Variants in ZMYND8 observed in about 807,000 individuals in gnomAD.
The protein encoded by ZMYND8 is MYND-type zinc finger-containing chromatin reader ZMYND8.
A neutral mutation model predicts 140.8 loss-of-function variants in ZMYND8; 37 were observed. That is an observed-to-expected ratio of 0.26 (90% CI 0.20 to 0.35). ZMYND8 has a LOEUF of 0.35. ZMYND8 is among the 10% of genes least tolerant of loss of function. ZMYND8 has a pLI of 1.00. For synonymous variants in ZMYND8, 592 were observed against 597.1 expected (o/e 0.99, Z 0.12); for missense variants, 1,068 against 1,570.0 (o/e 0.68, Z 5.40).
intron 16 of ZMYND8, among the ~76,000 whole-genome samples, chr20:47,235,610 G>A (rs1329431715): frequency 2.6e-5 from 4 of 152,054 alleles, no homozygotes; most frequent in Non-Finnish European, 5.9e-5. Context: ...GGGAGGCTGA[G>A]GCAGGAGAAT....
intron 2 of ZMYND8, among the ~76,000 whole-genome samples, chr20:47,326,685 T>A (rs1043427722): frequency 1.3e-5 from 2 of 152,172 alleles, no homozygotes; most frequent in African/African-American, 4.8e-5. Context: ...ATACAGGTAC[T>A]GATCTATGTG....
At chr20:47,251,166 T>G (rs1337847648) in intron 12 of ZMYND8, among the ~76,000 whole-genome samples, 1 of 151,674 alleles carries the variant, frequency 6.6e-6, no homozygotes, top group African/African-American at 2.4e-5. Flanking sequence ...TCAAGAAAAA[T>G]AGCAAAAACA....
intron 8 of ZMYND8, 111 bp from the exon 9 acceptor site, chr20:47,283,759 G>A (rs781635680): frequency 5.8e-6 from 6 of 1,033,602 alleles, no homozygotes; most frequent in Non-Finnish European, 8.6e-6. Context: ...TCCCATAGAG[G>A]GAACACCTTG....
chr20:47,305,425 G>C (rs1202043728), intron 3 of ZMYND8, among the ~76,000 whole-genome samples: 2 of 151,948 alleles, frequency 1.3e-5, no homozygotes, highest in Non-Finnish European at 2.9e-5. Flanking sequence ...ATTTTTAGTA[G>C]AGATGAGGTT....
At chr20:47,294,877 G>A (rs2077542028) in intron 4 of ZMYND8, 98 bp from the exon 5 acceptor site, 7 of 1,122,442 alleles carry the variant, frequency 6.2e-6, no homozygotes, top group African/African-American at 1.5e-5. Context: ...CAGACAAAAA[G>A]CAATTCTCAT....
rs1218993226 is a variant in ZMYND8 at position 47,221,175 on chromosome 20, A to T, written c.3417+139T>A. The T allele has an allele frequency of 3.3e-6, 4 of 1,195,068 alleles. No homozygotes were observed. In the African/African-American group the frequency reaches 4.6e-5, roughly 14 times the overall value. The allele number at this position is 1,195,068 out of a possible 1,614,324, so 74.0% of individuals were successfully genotyped here. ...GCCGGCCCAGGCTCCATGTTCCCACACATCCACTGGAAATGCCGGCACACT... is the reference window on the plus strand; with the variant it reads ...GCCGGCCCAGGCTCCATGTTCCCACTCATCCACTGGAAATGCCGGCACACT... On this transcript the variant is annotated intron_variant, in intron 20 of 22. Transcript: ENST00000471951.
chr20:47,314,071 C>G (rs1456600179), intron 2 of ZMYND8, among the ~76,000 whole-genome samples: 1 of 151,030 alleles, frequency 6.6e-6, no homozygotes, highest in Non-Finnish European at 1.5e-5. Flanking sequence ...CAACAAAGCT[C>G]GACTTGGGGA....
chr20:47,210,785 A>G lies in ZMYND8; in HGVS notation c.3681T>C (p.Ser1227=). The change falls in exon 23 of 23, where the codon TCT becomes TCC. Residue 1227 remains serine (S), a synonymous_variant. Coordinates refer to ENST00000471951, the MANE Select transcript of ZMYND8 (RefSeq NM_001281775.3). ...GCTAGTCCCAGAAGGTGTCCAGCCGAGACTCTTTCGGGAGGAGGCTCTTCG... is the reference window on the plus strand; with the variant it reads ...GCTAGTCCCAGAAGGTGTCCAGCCGGGACTCTTTCGGGAGGAGGCTCTTCG... The part of the protein sequence containing the change: ...TSTKSLLPKE[S]RLDTFWD The G allele has an allele frequency of 6.2e-7, 1 of 1,613,974 alleles. No individual in the cohort carries two copies. The highest frequency in any genetic ancestry group is 8.5e-7 in the Non-Finnish European group (1 of 1,179,990).
chr20:47,306,403 G>A (rs1458646399), intron 3 of ZMYND8, among the ~76,000 whole-genome samples: 1 of 151,916 alleles, frequency 6.6e-6, no homozygotes, highest in Non-Finnish European at 1.5e-5. Context: ...GGGCAGCAGA[G>A]TGAGACCCTG....
Position 47,212,667 on chromosome 20 carries a change from C to G in ZMYND8, c.3543G>C (p.Pro1181=), listed in dbSNP as rs768562222. The change falls in exon 22 of 23, where the codon CCG becomes CCC. Residue 1181 remains proline, a synonymous_variant. Coordinates refer to ENST00000471951, the MANE Select transcript of ZMYND8 (RefSeq NM_001281775.3). Reference sequence around the variant, plus strand: ...ACTTCTGGGCGGGGTAGTTGGGGTGCGGCTGGTGGTCTGTGGTGGTTGGGG... The same window carrying G: ...ACTTCTGGGCGGGGTAGTTGGGGTGGGGCTGGTGGTCTGTGGTGGTTGGGG... ...AYAPTTTDHQ[P]HPNYPAQKYH... The G allele has an allele frequency of 1.2e-6, 2 of 1,613,662 alleles. No individual in the cohort carries two copies. The highest frequency in any genetic ancestry group is 2.2e-5 in the South Asian group (2 of 91,058).
intron 18 of ZMYND8, 81 bp from the exon 19 acceptor site, chr20:47,224,637 C>A: frequency 1.3e-6 from 2 of 1,582,458 alleles, no homozygotes; most frequent in Non-Finnish European, 1.7e-6. Context: ...CAGATTCAGG[C>A]AGACGTGGAT....
At chr20:47,225,979 C>T (rs925925390) in intron 18 of ZMYND8, among the ~76,000 whole-genome samples, 6 of 151,668 alleles carry the variant, frequency 4.0e-5, no homozygotes, top group East Asian at 1.9e-4. Context: ...GCTGAAACCC[C>T]GTCTCTACTA....
intron 2 of ZMYND8, among the ~76,000 whole-genome samples, chr20:47,347,584 A>C (rs564568303): frequency 6.6e-6 from 1 of 152,128 alleles, no homozygotes; most frequent in Non-Finnish European, 1.5e-5. Context: ...CCTGAAAGTC[A>C]CCCTGCGGAG....
chr20:47,254,408 T>C (rs992297315), intron 12 of ZMYND8, among the ~76,000 whole-genome samples: 24 of 152,180 alleles, frequency 1.6e-4, no homozygotes, highest in African/African-American at 5.8e-4. Flanking sequence ...GGCAAAAGGG[T>C]TCTTCATTGC....
intron 2 of ZMYND8, among the ~76,000 whole-genome samples, chr20:47,333,724 CAAAAAAAAAAAAAAAAAAAAAAA>C (rs57968979): frequency 6.7e-5 from 2 of 29,726 alleles, no homozygotes; most frequent in African/African-American, 2.2e-4. Context: ...GACTCCGTCT[CAAAAAAAAAAAAAAAAAAAAAAA>C]AAAAAAAAAC....
chr20:47,213,145 C>T (rs1473978826), intron 21 of ZMYND8, among the ~76,000 whole-genome samples: 1 of 151,996 alleles, frequency 6.6e-6, no homozygotes, highest in Non-Finnish European at 1.5e-5. Context: ...CAACTGCCCA[C>T]AGTGATAACA....
At chr20:47,331,820 A>C (rs1333011096) in intron 2 of ZMYND8, among the ~76,000 whole-genome samples, 1 of 152,000 alleles carries the variant, frequency 6.6e-6, no homozygotes, top group Non-Finnish European at 1.5e-5. Context: ...CAGAGTCTCC[A>C]GGAAGCTCAG....
chr20:47,232,978 C>T (rs748385089), intron 16 of ZMYND8, among the ~76,000 whole-genome samples: 22 of 150,066 alleles, frequency 1.5e-4, no homozygotes, highest in Non-Finnish European at 2.8e-4. Context: ...GCAATCTCAG[C>T]TCACTGCAAC....
chr20:47,216,964 T>C (rs2036219769), intron 21 of ZMYND8, among the ~76,000 whole-genome samples: 1 of 152,178 alleles, frequency 6.6e-6, no homozygotes, highest in Admixed American at 6.5e-5. Flanking sequence ...TGTGTTCTTG[T>C]GTAACATTCT....
Sources: allele counts gnomAD v4.1 joint callset (sites outside exome capture counted in the v4.1 genomes callset), GRCh38; gene constraint gnomAD v4.1.1; transcripts MANE v1.5; gene names NCBI Gene and HGNC (gene_info 2026-07-23, HGNC 2026-07-21).